SLC16A1: variants seen among roughly 807,000 people sequenced by gnomAD.
The protein encoded by SLC16A1 is solute carrier family 16 member 1.
Under a neutral mutation model 32.2 loss-of-function variants are expected in SLC16A1, and 11 were observed. The ratio of observed to expected loss-of-function variants is 0.34; its 90% CI spans 0.21 to 0.56. The LOEUF is 0.56. Among genes scored for constraint, SLC16A1 ranks in the 20% least tolerant of loss-of-function variants. The pLI, the probability that SLC16A1 is intolerant of heterozygous loss-of-function variation, is 0.87. For missense variants in SLC16A1, 435 were observed against 615.0 expected (o/e 0.71, Z 3.10); for synonymous variants, 231 against 226.8 (o/e 1.02, Z -0.17).
intron 1 of SLC16A1, among the ~76,000 whole-genome samples, chr1:112,933,252 G>A (rs1339465275): frequency 3.3e-5 from 5 of 151,868 alleles, no homozygotes; most frequent in African/African-American, 4.8e-5. Context: ...GGAGGATCAC[G>A]AGGTCAGGAG....
chr1:112,935,528 G>C (rs1570636449), intron 1 of SLC16A1, among the ~76,000 whole-genome samples: 1 of 152,308 alleles, frequency 6.6e-6, no homozygotes, highest in East Asian at 1.9e-4. Flanking sequence ...ATTCAGGGGA[G>C]TGTCATTCTG....
Position 112,929,363 on chromosome 1 carries a change from T to G in SLC16A1, c.-44-11A>C, listed in dbSNP as rs1649047139. 1 of 1,403,718 alleles carries G rather than the reference T, an allele frequency of 7.1e-7. No individual in the cohort carries two copies. The highest frequency in any genetic ancestry group is 1.0e-6 in the Non-Finnish European group (1 of 997,474). 87.0% of individuals were successfully genotyped at this position (1,403,718 alleles called of 1,614,324 possible). A position where few individuals can be genotyped will look rare whatever the true frequency, so the allele number is the denominator to read the frequency against. ...GTCAAATCCAAATATCTGAAAGACA[T>G]AAAATTAAAATAGTATGTCAATATA... On this transcript the variant is annotated splice_polypyrimidine_tract_variant and intron_variant, in intron 1 of 4. Transcript: ENST00000369626.
At position 112,918,105 on chromosome 1, in the gene SLC16A1, AAG is replaced by A. The variant is rs1211093947; in HGVS notation, c.362-63_362-62del. ...ATAAATAAATAAATAAATAAATAAT[AAG>A]AGGTATAAATAATGGAAGGAATAGG... On this transcript the variant is annotated intron_variant, in intron 3 of 4. Transcript: ENST00000369626. 4.7e-5 allele frequency: 50 copies of A among 1,071,762 alleles called. No homozygotes were observed. In the East Asian group the frequency reaches 1.1e-3, roughly 23 times the overall value. 66.4% of individuals were successfully genotyped at this position (1,071,762 alleles called of 1,614,324 possible).
rs928872743 is a variant in SLC16A1, at chr1:112,933,114, G to A, written c.-44-3762C>T. Among the ~76,000 whole-genome samples, 6 of 151,970 alleles carry A rather than the reference G, an allele frequency of 3.9e-5. No homozygotes were observed. In the South Asian group the frequency reaches 8.3e-4, roughly 21 times the overall value. On this transcript the variant is annotated intron_variant, in intron 1 of 4. Transcript: ENST00000369626. The stretch of plus-strand genomic sequence containing the variant: ...GTTAAAATAGATAACCTATCCTCTC[G>A]GACTGAAAGACTCAATATTTAAATC...
intron 3 of SLC16A1, among the ~76,000 whole-genome samples, chr1:112,918,299 T>G (rs1173656322): frequency 2.0e-5 from 3 of 152,126 alleles, no homozygotes; most frequent in Non-Finnish European, 1.5e-5. Flanking sequence ...CACAGGTCAC[T>G]GTTGTGAGGA....
chr1:112,922,329 C>G, intron 2 of SLC16A1, 196 bp from the exon 3 acceptor site: 1 of 607,404 alleles, frequency 1.6e-6, no homozygotes, highest in Non-Finnish European at 2.9e-6. Flanking sequence ...TGTGCAGGTT[C>G]TAAATCTAAA....
At chr1:112,943,043 C>T (rs1649564025) in intron 1 of SLC16A1, among the ~76,000 whole-genome samples, 1 of 152,080 alleles carries the variant, frequency 6.6e-6, no homozygotes. Flanking sequence ...AGCAAACACT[C>T]TTAATTCTCC....
intron 3 of SLC16A1, among the ~76,000 whole-genome samples, chr1:112,921,240 C>T (rs866174649): frequency 7.9e-5 from 12 of 152,212 alleles, no homozygotes; most frequent in African/African-American, 2.9e-4. Context: ...GGCAATATCC[C>T]ATTGTTGACA....
intron 3 of SLC16A1, among the ~76,000 whole-genome samples, chr1:112,918,830 T>C (rs1435599000): frequency 2.0e-5 from 3 of 151,876 alleles, no homozygotes; most frequent in Admixed American, 2.0e-4. Flanking sequence ...AGAAATAACA[T>C]ATAGTACAAA....
chr1:112,916,381 A>C (rs904234200), intron 4 of SLC16A1, among the ~76,000 whole-genome samples: 62 of 150,536 alleles, frequency 4.1e-4, no homozygotes, highest in African/African-American at 1.5e-3. Context: ...GCCTGTAATC[A>C]CAGCTACTTG....
Position 112,914,142 on chromosome 1 carries a change from C to T in SLC16A1, c.1252G>A (p.Asp418Asn). 6.2e-7 allele frequency: 1 copy of T among 1,614,160 alleles called. No individual in the cohort carries two copies. The highest frequency in any genetic ancestry group is 8.5e-7 in the Non-Finnish European group (1 of 1,180,030). ...LLGRLNDMYG[D>N]YKYTYWACGV... ...CATGCCCAGTATGTGTATTTGTAGT[C>T]TCCATACATGTCATTGAGCCGACCT... is the stretch of plus-strand genomic sequence containing the variant. The change falls in exon 5 of 5, where the codon GAC (aspartate) becomes AAC (asparagine). Residue 418 changes from aspartate to asparagine, a missense_variant. Asp to Asn is a conservative substitution (Grantham distance 23). Transcript: ENST00000369626.
At chr1:112,919,415 C>T (rs1205662179) in intron 3 of SLC16A1, among the ~76,000 whole-genome samples, 2 of 152,116 alleles carry the variant, frequency 1.3e-5, no homozygotes, top group Non-Finnish European at 2.9e-5. Flanking sequence ...CTAAAGGATA[C>T]TTACAGAACA....
chr1:112,935,256 A>C (rs1649261345), intron 1 of SLC16A1, among the ~76,000 whole-genome samples: 1 of 151,860 alleles, frequency 6.6e-6, no homozygotes, highest in Non-Finnish European at 1.5e-5. Context: ...CTCTACTAAA[A>C]ATACAAAAAT....
At chr1:112,938,740 TTC>T (rs1649395556) in intron 1 of SLC16A1, among the ~76,000 whole-genome samples, 1 of 152,214 alleles carries the variant, frequency 6.6e-6, no homozygotes. Flanking sequence ...TCTTTCAGAA[TTC>T]TGTTTATGAT....
At chr1:112,919,219 A>G (rs1212809848) in intron 3 of SLC16A1, among the ~76,000 whole-genome samples, 5 of 151,516 alleles carry the variant, frequency 3.3e-5, no homozygotes, top group Non-Finnish European at 5.9e-5. Flanking sequence ...TATTTTTAGT[A>G]GAGACGGGGT....
At chr1:112,915,229 G>T (rs1428644557) in intron 4 of SLC16A1, among the ~76,000 whole-genome samples, 2 of 152,236 alleles carry the variant, frequency 1.3e-5, no homozygotes, top group Non-Finnish European at 2.9e-5. Flanking sequence ...GTACTACCAG[G>T]AGAGTTTGAA....
chr1:112,940,380 C>T (rs1261617738), intron 1 of SLC16A1, among the ~76,000 whole-genome samples: 2 of 152,012 alleles, frequency 1.3e-5, no homozygotes, highest in African/African-American at 4.8e-5. Context: ...AATCTAAAGA[C>T]CTCAATCGTG....
At chr1:112,955,059 A>G (rs891981687) in intron 1 of SLC16A1, among the ~76,000 whole-genome samples, 1 of 152,206 alleles carries the variant, frequency 6.6e-6, no homozygotes. Context: ...AGTAAGTTAC[A>G]GTAAATAAAG....
At chr1:112,937,971 T>C (rs1413371418) in intron 1 of SLC16A1, among the ~76,000 whole-genome samples, 2 of 152,210 alleles carry the variant, frequency 1.3e-5, no homozygotes, top group Admixed American at 1.3e-4. Flanking sequence ...TCTCATGAAT[T>C]GTGCTAGTAA....
Sources: allele counts gnomAD v4.1 joint callset (sites outside exome capture counted in the v4.1 genomes callset), GRCh38; gene constraint gnomAD v4.1.1; transcripts MANE v1.5; gene names NCBI Gene and HGNC (gene_info 2026-07-23, HGNC 2026-07-21).